FAM161B: variants seen among roughly 807,000 people sequenced by gnomAD.
FAM161B encodes the protein FAM161 centrosomal protein B, also known as protein FAM161B.
FAM161B carries 46 observed loss-of-function variants against 61.5 expected under a neutral mutation model. The ratio of observed to expected loss-of-function variants is 0.75; its 90% CI spans 0.59 to 0.96. The LOEUF (loss-of-function observed/expected upper bound fraction) is 0.96, where lower values mean the gene tolerates loss of function less well. FAM161B is among the 40% of genes least tolerant of loss of function. The pLI is 0.00. For synonymous variants in FAM161B, 284 were observed against 302.7 expected (o/e 0.94, Z 0.64); for missense variants, 774 against 800.7 (o/e 0.97, Z 0.40).
At chr14:73,927,243 G>A (rs938881759), downstream of FAM161B, 7 of 222,178 alleles carry the variant, frequency 3.2e-5, no homozygotes, top group Admixed American at 1.6e-4. Flanking sequence ...GTGCCACCAC[G>A]CCCGGCTGTA....
At chr14:73,949,898 C>T in intron 1 of FAM161B, 75 bp downstream of exon 1, 3 of 1,582,182 alleles carry the variant, frequency 1.9e-6, no homozygotes, top group East Asian at 2.2e-5. Context: ...CCCCTGCTGT[C>T]TGTCTCCAAG....
chr14:73,940,285 G>C (rs1404314960), intron 5 of FAM161B, among the ~76,000 whole-genome samples: 1 of 152,198 alleles, frequency 6.6e-6, no homozygotes, highest in East Asian at 1.9e-4. Flanking sequence ...GCAGGCTCTT[G>C]CTGCCCAACA....
chr14:73,936,304 G>A lies in FAM161B; in HGVS notation c.1666-216C>T, dbSNP rs76878076. Among the ~76,000 whole-genome samples, 677 of 152,248 alleles carry A rather than the reference G, an allele frequency of 4.4e-3. 6 individuals carry two copies. Among genetic ancestry groups the A allele is most frequent in the African/African-American group, 0.016 (657 of 41,548 alleles). ...AAAATGCAGATTTCACATTTGGTAG[G>A]TGTCAGATGAGGACTGTAATTCTGT... On this transcript the variant is annotated intron_variant, in intron 7 of 8. Coordinates refer to ENST00000286544, the MANE Select transcript of FAM161B (RefSeq NM_152445.3).
intron 8 of FAM161B, 92 bp downstream of exon 8, chr14:73,935,857 A>G: frequency 7.2e-7 from 1 of 1,387,994 alleles, no homozygotes; most frequent in Non-Finnish European, 9.7e-7. Context: ...TGATCTCAAA[A>G]TACCAGTGGC....
At chr14:73,946,631 G>A (rs2056070076) in intron 1 of FAM161B, 26 bp from the exon 2 acceptor site, 1 of 1,592,408 alleles carries the variant, frequency 6.3e-7, no homozygotes, top group African/African-American at 1.3e-5. Context: ...AATAGGCTGT[G>A]GGTCAAACAA....
At chr14:73,935,831 C>A (rs2031315192) in intron 8 of FAM161B, 118 bp downstream of exon 8, 16 of 1,161,262 alleles carry the variant, frequency 1.4e-5, no homozygotes, top group Non-Finnish European at 1.9e-5. Flanking sequence ...ATTAATGTTA[C>A]ATAAATACAG....
At chr14:73,949,253 C>T (rs1289684479) in intron 1 of FAM161B, among the ~76,000 whole-genome samples, 1 of 152,202 alleles carries the variant, frequency 6.6e-6, no homozygotes, top group South Asian at 2.1e-4. Context: ...CAGGCATGTG[C>T]CACCACGTCC....
At position 73,946,497 on chromosome 14, in the gene FAM161B, C is replaced by A. The variant is rs140261943; in HGVS notation, c.163G>T (p.Glu55Ter). ...GAGTCAGAAGTAGAATCTATCTCCT[C>A]CTCTGGGCTGAGGAACTCGTCAAGT... is the stretch of plus-strand genomic sequence containing the variant. ...SKLDEFLSPEEEIDSTSDSTG... is the reference protein window; with the variant it reads ...SKLDEFLSPE The change falls in exon 2 of 9, where the codon GAG becomes TAG. Residue 55 changes from glutamate (E) to a stop codon, truncating the protein, a stop_gained. Coordinates refer to ENST00000286544, the MANE Select transcript of FAM161B (RefSeq NM_152445.3). LOFTEE classifies it high-confidence loss of function. 2 of 1,614,068 alleles carry A rather than the reference C, an allele frequency of 1.2e-6. No individual in the cohort carries two copies. Among genetic ancestry groups the A allele is most frequent in the African/African-American group, 2.7e-5 (2 of 74,914 alleles).
At chr14:73,944,918 A>G (rs965356730) in intron 2 of FAM161B, 33 bp from the exon 3 acceptor site, 2 of 1,481,336 alleles carry the variant, frequency 1.4e-6, no homozygotes, top group African/African-American at 2.8e-5. Context: ...AGTGGAGGAC[A>G]GGGCAGTCAG....
Position 73,934,165 on chromosome 14 carries a change from C to T in FAM161B, c.*91G>A. 1 of 1,474,870 alleles carries T rather than the reference C, an allele frequency of 6.8e-7. No individual in the cohort carries two copies. Among genetic ancestry groups the T allele is most frequent in the Non-Finnish European group, 9.2e-7 (1 of 1,086,676 alleles). The allele number at this position is 1,474,870 out of a possible 1,614,324, so 91.4% of individuals were successfully genotyped here. On this transcript the variant is annotated 3_prime_UTR_variant, in exon 9 of 9. Transcript: ENST00000286544. ...CATTTGTCCATCCTCTAACAGTAGC[C>T]ATGACTCAAAACCCAAGTTTTCCCT...
intron 8 of FAM161B, among the ~76,000 whole-genome samples, 166 bp from the exon 9 acceptor site, chr14:73,934,560 C>T (rs903270344): frequency 6.6e-6 from 1 of 152,088 alleles, no homozygotes; most frequent in Non-Finnish European, 1.5e-5. Flanking sequence ...CCTTAGCTTC[C>T]CAAGTAGCTG....
the FAM161B span, among the ~76,000 whole-genome samples, chr14:73,925,323 T>C: frequency 6.6e-6 from 1 of 152,176 alleles, no homozygotes; most frequent in South Asian, 2.1e-4. Context: ...TTAAAGCTTT[T>C]ATTATGGAAA....
Position 73,937,617 on chromosome 14 carries a change from A to C in FAM161B, c.1650T>G (p.Phe550Leu). ...KQRIQTRPYL[F>L]EQVAKDLAKK... ...TTAGTTTTACCTTGGCAACTTGTTC[A>C]AAGAGATAGGGCCTTGTTTGTATTC... Residue 550 changes from phenylalanine (F) to leucine (L), a missense_variant, in exon 7 of 9, where the codon TTT becomes TTG. Coordinates refer to ENST00000286544, the MANE Select transcript of FAM161B (RefSeq NM_152445.3). 1 of 1,613,622 alleles carries C rather than the reference A, an allele frequency of 6.2e-7. No homozygotes were observed. Among genetic ancestry groups the C allele is most frequent in the East Asian group, 2.2e-5 (1 of 44,866 alleles).
the FAM161B span, among the ~76,000 whole-genome samples, chr14:73,926,303 T>A: frequency 6.6e-6 from 1 of 152,206 alleles, no homozygotes; most frequent in Non-Finnish European, 1.5e-5. Flanking sequence ...TATGGTTGGT[T>A]TGCTAGAGTC....
chr14:73,934,430 ATTT>A (rs749116181), intron 8 of FAM161B, 36 bp from the exon 9 acceptor site: 1 of 1,570,142 alleles, frequency 6.4e-7, no homozygotes, highest in Non-Finnish European at 8.6e-7. Flanking sequence ...AACAAAAAAA[ATTT>A]TTTTTTCAGA....
chr14:73,944,488 G>C lies in FAM161B; in HGVS notation c.772C>G (p.Pro258Ala), dbSNP rs558530220. 1.2e-6 allele frequency: 2 copies of C among 1,614,066 alleles called. No homozygotes were observed. The highest frequency in any genetic ancestry group is 1.1e-5 in the South Asian group (1 of 91,080). The change falls in exon 3 of 9, where the codon CCC becomes GCC. Residue 258 changes from proline (P) to alanine (A), a missense_variant. By Grantham distance (27) the Pro-to-Ala change is conservative (BLOSUM62 -1). Coordinates refer to ENST00000286544, the MANE Select transcript of FAM161B (RefSeq NM_152445.3). ...TCCTCCTTCTCCAGGAAGCTGAAGG[G>C]CTTCAAAGAAGAGAGGAGCAGTTCC... The part of the protein sequence containing the change: ...RKELLLSSLK[P>A]FSFLEKEEQL...
In FAM161B at chr14:73,946,575, C is replaced by G; in HGVS notation, c.85G>C (p.Glu29Gln). 6.2e-7 allele frequency: 1 copy of G among 1,613,952 alleles called. No individual in the cohort carries two copies. The highest frequency in any genetic ancestry group is 1.1e-5 in the South Asian group (1 of 91,078). Residue 29 changes from glutamate to glutamine, a missense_variant, in exon 2 of 9, where the codon GAG becomes CAG. Coordinates refer to ENST00000286544, the MANE Select transcript of FAM161B (RefSeq NM_152445.3). ...TCCCCGGACAGCTCCTCTCCTGCCT[C>G]TGTGTCTGCGAAGGACTCGGGGGGA... is the stretch of plus-strand genomic sequence containing the variant. ...IFPPESFADTEAGEELSGDGL... is the reference protein window; with the variant it reads ...IFPPESFADTQAGEELSGDGL...
At chr14:73,941,889 A>G (rs2140346376) in intron 4 of FAM161B, among the ~76,000 whole-genome samples, 1 of 152,254 alleles carries the variant, frequency 6.6e-6, no homozygotes, top group African/African-American at 2.4e-5. Context: ...TATTTTTAGT[A>G]GAGATGGGGT....
At chr14:73,948,922 ATT>A (rs542417797) in intron 1 of FAM161B, among the ~76,000 whole-genome samples, 5 of 144,418 alleles carry the variant, frequency 3.5e-5, no homozygotes, top group Admixed American at 6.9e-5. Flanking sequence ...CACCTGGCTA[ATT>A]TTTTTTTTTT....
Sources: gnomAD v4.1 joint callset for allele counts (sites outside exome capture counted in the v4.1 genomes callset) on GRCh38, gnomAD v4.1.1 for gene constraint, MANE v1.5 for transcripts, NCBI Gene and HGNC (gene_info 2026-07-23, HGNC 2026-07-21) for gene names.